Variants in POLD1 observed in about 807,000 individuals in gnomAD.
The protein encoded by POLD1 is DNA polymerase delta 1, catalytic subunit.
Under a neutral mutation model 129.7 loss-of-function variants are expected in POLD1, and 79 were observed. That is an observed-to-expected ratio of 0.61 (90% CI 0.51 to 0.73). The LOEUF is 0.73. Ranked by LOEUF, POLD1 falls within the 30% of genes least tolerant of loss-of-function variation. The pLI is 0.00. For synonymous variants in POLD1, 714 were observed against 683.3 expected, an observed-to-expected ratio of 1.04 and a Z score of -0.70; for missense variants, 1,338 against 1,595.8, an observed-to-expected ratio of 0.84 and a Z score of 2.75.
intron 1 of POLD1, chr19:50,393,890 C>T (rs973289930): frequency 1.3e-5 from 2 of 152,244 alleles, no homozygotes; most frequent in African/African-American, 4.8e-5. Flanking sequence ...TGGCCCCTCT[C>T]TAATGCTGAG....
chr19:50,391,742 C>A (rs372298531), intron 1 of POLD1, among the ~76,000 whole-genome samples: 1 of 151,594 alleles, frequency 6.6e-6, no homozygotes, highest in African/African-American at 2.4e-5. Flanking sequence ...CCCACTCCCC[C>A]GCTCTTGTTG....
chr19:50,406,845 A>C lies in POLD1; in HGVS notation c.1495-138A>C. On this transcript the variant is annotated intron_variant, in intron 12 of 26. Coordinates refer to ENST00000440232, the MANE Select transcript of POLD1 (RefSeq NM_002691.4). The surrounding 1 kb of genome is among the most constrained non-coding windows in gnomAD (Gnocchi z 5.5). ...TACCTCCATCCCCACCCAGACCCTG[A>C]CGACTTGGAGGGCCCTCCTGCCCGC... is the stretch of plus-strand genomic sequence containing the variant. 3 of 688,526 alleles carry C rather than the reference A, an allele frequency of 4.4e-6. No homozygotes were observed. The highest frequency in any genetic ancestry group is 7.3e-6 in the Non-Finnish European group (3 of 409,046). 42.7% of individuals were successfully genotyped at this position (688,526 alleles called of 1,614,324 possible).
rs376832955 is a variant in POLD1, at chr19:50,388,788, C to G, written c.-2+4398C>G. On this transcript the variant is annotated intron_variant, in intron 1 of 26. Transcript: ENST00000440232. ...TGAACTATTTGAAAGTTGTGGTCAT[C>G]ATGATACTTCACCTCTGAAAACTCC... is the stretch of plus-strand genomic sequence containing the variant. 6.2e-4 allele frequency among the ~76,000 whole-genome samples: 89 copies of G among 143,862 alleles called. 2 individuals are homozygous for G. In the South Asian group the frequency reaches 0.02, roughly 33 times the overall value. 94.4% of individuals were successfully genotyped at this position (143,862 alleles called of 152,430 possible).
chr19:50,401,391 A>ATTTTTTTTTTTTTTTTTTTTTTT (rs1203165864), intron 3 of POLD1, among the ~76,000 whole-genome samples: 2 of 65,990 alleles, frequency 3.0e-5, no homozygotes, highest in Non-Finnish European at 5.1e-5. Flanking sequence ...ATATATATAT[A>ATTTTTTTTTTTTTTTTTTTTTTT]TTTTTTTTTT....
chr19:50,410,011 G>A (rs1004167189), intron 17 of POLD1, among the ~76,000 whole-genome samples: 6 of 152,158 alleles, frequency 3.9e-5, no homozygotes, highest in East Asian at 1.9e-4. Context: ...CTTTGCAGCC[G>A]GATAAAGCAG....
rs1016107364 is a variant in POLD1, at chr19:50,400,522, ATTTTTTTTTT to A, written c.316+1057_316+1066del. ...AGGAGTGAGTAACTGTGCCCCGCCT[ATTTTTTTTTT>A]TTTTTTTTTTTTTTTTTTGAGACAG... On this transcript the variant is annotated intron_variant, in intron 3 of 26. Transcript: ENST00000440232. 1.1e-4 allele frequency among the ~76,000 whole-genome samples: 7 copies of A among 63,522 alleles called. No homozygotes were observed. In the East Asian group the frequency reaches 1.4e-3, roughly 13 times the overall value. The allele number at this position is 63,522 out of a possible 152,430, so 41.7% of individuals were successfully genotyped here.
At chr19:50,411,561 C>G (rs2039088708) in intron 17 of POLD1, among the ~76,000 whole-genome samples, 1 of 152,256 alleles carries the variant, frequency 6.6e-6, no homozygotes, top group African/African-American at 2.4e-5. Flanking sequence ...AATGAATTGG[C>G]TGGGCGCGGT....
Position 50,402,364 on chromosome 19 carries a change from T to C in POLD1, c.749T>C (p.Phe250Ser). 1 of 1,611,354 alleles carries C rather than the reference T, an allele frequency of 6.2e-7. No individual in the cohort carries two copies. ...GCGCCCTACGAGGCCAACGTCGACT[T>C]TGAGATCCGGTACGGCCTCTGCCTC... is the stretch of plus-strand genomic sequence containing the variant. Reference protein sequence around the residue: ...SFAPYEANVDFEIRFMVDTDI... With the variant: ...SFAPYEANVDSEIRFMVDTDI... Residue 250 changes from phenylalanine (F) to serine (S), a missense_variant, in exon 6 of 27, where the codon TTT (phenylalanine) becomes TCT (serine). By Grantham distance (155) the Phe-to-Ser change is radical. Coordinates refer to ENST00000440232, the MANE Select transcript of POLD1 (RefSeq NM_002691.4).
At chr19:50,403,031 C>A in intron 8 of POLD1, 22 bp from the exon 9 acceptor site, 2 of 1,552,402 alleles carry the variant, frequency 1.3e-6, no homozygotes, top group African/African-American at 1.4e-5. Context: ...GAGTCAGGCC[C>A]CTGCATCCTC....
In POLD1 at chr19:50,402,072, G is replaced by T. The variant is rs756483178; in HGVS notation, c.537G>T (p.Gly179=). The change falls in exon 5 of 27, where the codon GGG becomes GGT. Residue 179 remains glycine, a synonymous_variant. Coordinates refer to ENST00000440232, the MANE Select transcript of POLD1 (RefSeq NM_002691.4). ...NLAISRDSRG[G]RELTGPAVLA... ...CCATCAGCCGGGACAGTCGCGGGGGGAGGGAGCTGACTGGGCCGGCCGTGC... is the reference window on the plus strand; with the variant it reads ...CCATCAGCCGGGACAGTCGCGGGGGTAGGGAGCTGACTGGGCCGGCCGTGC... 1.9e-6 allele frequency: 3 copies of T among 1,613,954 alleles called. No individual in the cohort carries two copies. Among genetic ancestry groups the T allele is most frequent in the East Asian group, 2.2e-5 (1 of 44,878 alleles).
intron 1 of POLD1, among the ~76,000 whole-genome samples, chr19:50,389,465 C>T (rs1481878804): frequency 6.6e-6 from 1 of 152,106 alleles, no homozygotes; most frequent in Admixed American, 6.6e-5. Flanking sequence ...GCCTGCAGAA[C>T]TACAGTGTCA....
At chr19:50,414,693 G>C in intron 19 of POLD1, 122 bp from the exon 20 acceptor site, 1 of 752,370 alleles carries the variant, frequency 1.3e-6, no homozygotes, top group South Asian at 2.5e-5. Context: ...CAGGCTCAGG[G>C]CACGGCTCCC....
At position 50,401,934 on chromosome 19, in the gene POLD1, C is replaced by A. The variant is rs2122235609; in HGVS notation, c.463+10C>A. On this transcript the variant is annotated intron_variant, in intron 4 of 26. Transcript: ENST00000440232. ...ACCCCAGCGCCCCCTGGTGAGTGGC[C>A]CCTACCCAGCCCCTCCCTGAGCCAC... 1 of 1,614,018 alleles carries A rather than the reference C, an allele frequency of 6.2e-7. No homozygotes were observed. Among genetic ancestry groups the A allele is most frequent in the Non-Finnish European group, 8.5e-7 (1 of 1,179,944 alleles).
At chr19:50,388,797 T>A (rs1349907686) in intron 1 of POLD1, among the ~76,000 whole-genome samples, 1 of 150,042 alleles carries the variant, frequency 6.7e-6, no homozygotes, top group Non-Finnish European at 1.5e-5. Context: ...TCATGATACT[T>A]CACCTCTGAA....
chr19:50,407,870 C>T (rs2038955948), intron 14 of POLD1, among the ~76,000 whole-genome samples: 1 of 150,852 alleles, frequency 6.6e-6, no homozygotes, highest in African/African-American at 2.4e-5. Flanking sequence ...CCGTGCCCGG[C>T]CGAAAAAATT....
chr19:50,412,428 C>T (rs143184018), intron 17 of POLD1, among the ~76,000 whole-genome samples: 1 of 150,602 alleles, frequency 6.6e-6, no homozygotes, highest in African/African-American at 2.5e-5. Context: ...GCTGGGATTA[C>T]TGGTGTGAGT....
At chr19:50,405,328 C>T (rs555681505) in intron 10 of POLD1, among the ~76,000 whole-genome samples, 11 of 152,278 alleles carry the variant, frequency 7.2e-5, no homozygotes, top group African/African-American at 1.2e-4. Context: ...TCTGAGGTGC[C>T]GGGGGTTAGG....
rs1383883126 is a variant in POLD1, at chr19:50,416,372, G to A, written c.2821-24G>A. On this transcript the variant is annotated intron_variant, in intron 22 of 26. Coordinates refer to ENST00000440232, the MANE Select transcript of POLD1 (RefSeq NM_002691.4). The stretch of plus-strand genomic sequence containing the variant: ...CCGGTGCCCTTTCCCTGGCTGCCCG[G>A]GTGTGACTGCCATGTGGCCGCAGGA... 3 of 1,547,064 alleles carry A rather than the reference G, an allele frequency of 1.9e-6. No homozygotes were observed. In the African/African-American group the frequency reaches 4.1e-5, roughly 21 times the overall value.
chr19:50,406,232 C>T lies in POLD1; in HGVS notation c.1293C>T (p.Ile431=), dbSNP rs755692461. The T allele has an allele frequency of 6.2e-7, 1 of 1,614,042 alleles. No homozygotes were observed. Among genetic ancestry groups the T allele is most frequent in the Non-Finnish European group, 8.5e-7 (1 of 1,179,978 alleles). ...LGRVAGLCSN[I]RDSSFQSKQT... is the part of the protein sequence containing the mutation. ...GTGTGGCCGGCCTTTGCTCCAACAT[C>T]CGGGACTCTTCATTCCAGTCCAAGC... Residue 431 remains isoleucine, a synonymous_variant, in exon 11 of 27, where the codon ATC becomes ATT. Transcript: ENST00000440232. The surrounding 1 kb of genome is among the most constrained non-coding windows in gnomAD (Gnocchi z 5.5).
Sources: allele counts gnomAD v4.1 joint callset (sites outside exome capture counted in the v4.1 genomes callset), GRCh38; gene constraint gnomAD v4.1.1; non-coding constraint Gnocchi (gnomAD v3.1); transcripts MANE v1.5; gene names NCBI Gene and HGNC (gene_info 2026-07-23, HGNC 2026-07-21).